FBL: variants seen among roughly 807,000 people sequenced by gnomAD.
FBL encodes the protein fibrillarin rRNA 2'-O-methyltransferase.
FBL carries 10 observed loss-of-function variants against 42.2 expected under a neutral mutation model. The ratio of observed to expected loss-of-function variants is 0.24; its 90% CI spans 0.15 to 0.40. The LOEUF (loss-of-function observed/expected upper bound fraction) is 0.40. FBL is among the 10% of genes least tolerant of loss of function. The pLI is 1.00. For synonymous variants in FBL, 165 were observed against 165.4 expected, an observed-to-expected ratio of 1.00 and a Z score of 0.02; for missense variants, 351 against 439.2, an observed-to-expected ratio of 0.80 and a Z score of 1.79.
rs368840618 is a variant in FBL, at chr19:39,834,669, T to C, written c.940A>G (p.Arg314Gly). The C allele has an allele frequency of 1.9e-6, 3 of 1,614,026 alleles. No individual in the cohort carries two copies. The highest frequency in any genetic ancestry group is 3.3e-5 in the Admixed American group (2 of 59,996). ...RDHAVVVGVYRPPPKVKN is the reference protein window; with the variant it reads ...RDHAVVVGVYGPPPKVKN ...GTGTATTGCTGGGCCCCTGCTCACC[T>C]GTACACTCCCACGACCACGGCATGG... is the stretch of plus-strand genomic sequence containing the variant. The change falls in exon 8 of 9, where the codon AGG (arginine) becomes GGG (glycine). Residue 314 changes from arginine to glycine, a missense_variant and splice_region_variant. Coordinates refer to ENST00000221801, the MANE Select transcript of FBL (RefSeq NM_001436.4).
intron 6 of FBL, among the ~76,000 whole-genome samples, chr19:39,836,917 C>T (rs796417324): frequency 1.4e-4 from 21 of 152,348 alleles, no homozygotes; most frequent in African/African-American, 4.8e-4. Flanking sequence ...CTGGGCCGGG[C>T]GTGGGGGACA....
Position 39,834,682 on chromosome 19 carries a change from G to C in FBL, c.927C>G (p.Val309=). The change falls in exon 8 of 9, where the codon GTC becomes GTG. Residue 309 remains valine, a synonymous_variant. Transcript: ENST00000221801. ...CCCCTGCTCACCTGTACACTCCCAC[G>C]ACCACGGCATGGTCTCTTTCATATG... is the stretch of plus-strand genomic sequence containing the variant. ...LEPYERDHAV[V]VGVYRPPPKV... is the part of the protein sequence containing the mutation. 1 of 1,614,138 alleles carries C rather than the reference G, an allele frequency of 6.2e-7. No individual in the cohort carries two copies.
chr19:39,846,154 C>A, intron 1 of FBL, 137 bp downstream of exon 1: 1 of 1,005,370 alleles, frequency 9.9e-7, no homozygotes, highest in East Asian at 2.6e-5. Context: ...ATCAGAATCC[C>A]CCTTCCCACA....
At chr19:39,836,752 C>T in intron 6 of FBL, 84 bp from the exon 7 acceptor site, 2 of 1,002,910 alleles carry the variant, frequency 2.0e-6, no homozygotes, top group Non-Finnish European at 3.0e-6. Flanking sequence ...CCATCACCAG[C>T]AGGTTCCTGG....
At chr19:39,846,127 C>T (rs1183296368) in intron 1 of FBL, among the ~76,000 whole-genome samples, 164 bp downstream of exon 1, 4 of 152,206 alleles carry the variant, frequency 2.6e-5, no homozygotes, top group Non-Finnish European at 5.9e-5. Flanking sequence ...CAGTCACAAA[C>T]CCCTAGACCT....
chr19:39,842,439 T>C (rs927140751), intron 1 of FBL, among the ~76,000 whole-genome samples: 2 of 152,336 alleles, frequency 1.3e-5, no homozygotes, highest in African/African-American at 2.4e-5. Flanking sequence ...GAACCCTTCA[T>C]GCACCTTAAT....
In FBL at chr19:39,845,369, T is replaced by TA. The variant is rs771381185; in HGVS notation, c.10+921dup. Among the ~76,000 whole-genome samples, 41 of 152,298 alleles carry TA rather than the reference T, an allele frequency of 2.7e-4. 1 individual carries two copies. The highest frequency in any genetic ancestry group is 4.9e-4 in the Non-Finnish European group (33 of 68,018). On this transcript the variant is annotated intron_variant, in intron 1 of 8. Transcript: ENST00000221801. ...ATGTCAAGCACTGTGCTATTTTTTT[T>TA]AACGTCGCTTAATCCTAACTGGCGC...
chr19:39,836,311 A>G (rs73930653), intron 7 of FBL, among the ~76,000 whole-genome samples: 5,570 of 152,164 alleles, frequency 0.037, 347 homozygotes, highest in African/African-American at 0.13. Context: ...TCTATTTCAT[A>G]AGTGAGGAAA....
intron 1 of FBL, among the ~76,000 whole-genome samples, chr19:39,842,242 T>G (rs1326266945): frequency 6.6e-6 from 1 of 152,060 alleles, no homozygotes; most frequent in Admixed American, 6.5e-5. Context: ...CCCACCACCA[T>G]GCCCGGCTAA....
chr19:39,842,375 C>G (rs1969178717), intron 1 of FBL, among the ~76,000 whole-genome samples: 1 of 152,196 alleles, frequency 6.6e-6, no homozygotes, highest in Non-Finnish European at 1.5e-5. Flanking sequence ...CGTGAGCCAG[C>G]GCGCCCAGCC....
intron 7 of FBL, among the ~76,000 whole-genome samples, chr19:39,835,048 T>A (rs1267609844): frequency 6.6e-6 from 1 of 152,204 alleles, no homozygotes; most frequent in Non-Finnish European, 1.5e-5. Context: ...AATAGAGTAA[T>A]GCTATTATCA....
rs1968998493 is a variant in FBL, at chr19:39,834,787, T to C, written c.822A>G (p.Ser274=). The C allele has an allele frequency of 6.2e-7, 1 of 1,614,176 alleles. No individual in the cohort carries two copies. Among genetic ancestry groups the C allele is most frequent in the Non-Finnish European group, 8.5e-7 (1 of 1,179,988 alleles). The change falls in exon 8 of 9, where the codon TCA becomes TCG. Residue 274 remains serine, a synonymous_variant. Coordinates refer to ENST00000221801, the MANE Select transcript of FBL (RefSeq NM_001436.4). The part of the protein sequence containing the change: ...IKANCIDSTA[S]AEAVFASEVK... The stretch of plus-strand genomic sequence containing the variant: ...CTTCGGAGGCAAACACGGCCTCGGC[T>C]GAGGCTGTGGAGTCAATGCAGTTGG...
chr19:39,834,554 G>C lies in FBL; in HGVS notation c.950C>G (p.Pro317Arg), dbSNP rs770510868. 4.3e-6 allele frequency: 7 copies of C among 1,613,996 alleles called. No individual in the cohort carries two copies. The highest frequency in any genetic ancestry group is 3.3e-5 in the Admixed American group (2 of 60,000). Residue 317 changes from proline (P) to arginine (R), a missense_variant, in exon 9 of 9, where the codon CCC becomes CGC. Coordinates refer to ENST00000221801, the MANE Select transcript of FBL (RefSeq NM_001436.4). ...CGCTGAACTTCAGTTCTTCACCTTG[G>C]GGGGTGGCCTGTGAGAGGAAGATAG... ...AVVVGVYRPP[P>R]KVKN
intron 1 of FBL, among the ~76,000 whole-genome samples, chr19:39,845,513 A>C (rs909229495): frequency 6.6e-6 from 1 of 152,178 alleles, no homozygotes; most frequent in Non-Finnish European, 1.5e-5. Flanking sequence ...TCTGCTGTCA[A>C]AGCCAGGACC....
chr19:39,834,502 AAC>A lies in FBL; in HGVS notation c.*34_*35del. ...AGAAAAACACACGTGCAACAGTATC[AAC>A]ACACATCTCTCGCAATCCTGACAGC... is the stretch of plus-strand genomic sequence containing the variant. On this transcript the variant is annotated 3_prime_UTR_variant, in exon 9 of 9. Coordinates refer to ENST00000221801, the MANE Select transcript of FBL (RefSeq NM_001436.4). 1 of 1,613,010 alleles carries A rather than the reference AAC, an allele frequency of 6.2e-7. No homozygotes were observed. The highest frequency in any genetic ancestry group is 1.1e-5 in the South Asian group (1 of 91,044).
At chr19:39,836,950 C>T (rs745610402) in intron 6 of FBL, among the ~76,000 whole-genome samples, 1 of 152,196 alleles carries the variant, frequency 6.6e-6, no homozygotes, top group African/African-American at 2.4e-5. Flanking sequence ...AGACCCGGAC[C>T]CTGCCCTCGA....
rs1969136938 is a variant in FBL, at chr19:39,840,378, C to T, written c.283+36G>A. The T allele has an allele frequency of 9.3e-6, 15 of 1,613,114 alleles. No individual in the cohort carries two copies. Among genetic ancestry groups the T allele is most frequent in the Non-Finnish European group, 1.3e-5 (15 of 1,179,062 alleles). On this transcript the variant is annotated intron_variant, in intron 3 of 8. Transcript: ENST00000221801. The surrounding 1 kb of genome is among the most constrained non-coding windows in gnomAD (Gnocchi z 4.5). ...TGAGGACCCCCAGCCTCTCCCTGCC[C>T]CGAAGCTCAGCCGGCTCCCTGCCTT... is the stretch of plus-strand genomic sequence containing the variant.
intron 7 of FBL, 137 bp from the exon 8 acceptor site, chr19:39,834,950 A>G (rs909934751): frequency 1.1e-6 from 1 of 901,510 alleles, no homozygotes; most frequent in African/African-American, 1.7e-5. Context: ...CCCAAAGTTC[A>G]TGTGTTGGAA....
At chr19:39,837,968 A>T in intron 5 of FBL, 125 bp from the exon 6 acceptor site, 1 of 713,746 alleles carries the variant, frequency 1.4e-6, no homozygotes, top group South Asian at 1.9e-5. Flanking sequence ...CCATCTAATG[A>T]CTATTGCTAT....
Sources: allele counts gnomAD v4.1 joint callset (sites outside exome capture counted in the v4.1 genomes callset), GRCh38; gene constraint gnomAD v4.1.1; non-coding constraint Gnocchi (gnomAD v3.1); transcripts MANE v1.5; gene names NCBI Gene and HGNC (gene_info 2026-07-23, HGNC 2026-07-21).